The following SYT7 variants were observed in gnomAD, a reference collection of about 807,000 sequenced individuals.
SYT7 encodes the protein synaptotagmin-7.
A neutral mutation model predicts 75.1 loss-of-function variants in SYT7; 29 were observed. The ratio of observed to expected loss-of-function variants is 0.39; its 90% CI spans 0.29 to 0.53. The LOEUF (loss-of-function observed/expected upper bound fraction) is 0.53. Among genes scored for constraint, SYT7 ranks in the 20% least tolerant of loss-of-function variants. The pLI, the probability that SYT7 is intolerant of heterozygous loss-of-function variation, is 0.77. For synonymous variants in SYT7, 376 were observed against 401.7 expected (o/e 0.94, Z 0.76); for missense variants, 693 against 953.2 (o/e 0.73, Z 3.59).
chr11:61,549,137 G>A (rs975719125), intron 3 of SYT7, among the ~76,000 whole-genome samples: 1 of 152,088 alleles, frequency 6.6e-6, no homozygotes, highest in Non-Finnish European at 1.5e-5. Flanking sequence ...GCTCCCTCCA[G>A]ATCTCCAGAA....
intron 3 of SYT7, among the ~76,000 whole-genome samples, chr11:61,550,585 A>C (rs2063319872): frequency 6.6e-6 from 1 of 152,022 alleles, no homozygotes; most frequent in Non-Finnish European, 1.5e-5. Flanking sequence ...CCCTACCTTG[A>C]CCTCTGGGCT....
intron 12 of SYT7, 61 bp from the exon 13 acceptor site, chr11:61,518,792 C>G: frequency 2.4e-6 from 3 of 1,266,822 alleles, no homozygotes; most frequent in East Asian, 2.8e-5. Flanking sequence ...CCCTTTCCCC[C>G]ACAGGGGTGA....
At chr11:61,564,210 T>A (rs191428852) in intron 1 of SYT7, among the ~76,000 whole-genome samples, 5 of 152,320 alleles carry the variant, frequency 3.3e-5, no homozygotes, top group African/African-American at 1.2e-4. Context: ...TCTGTGCCTA[T>A]AGGCTCTTTC....
upstream of SYT7, among the ~76,000 whole-genome samples, chr11:61,584,384 G>A (rs1477383836): frequency 8.3e-6 from 1 of 121,132 alleles, no homozygotes; most frequent in Non-Finnish European, 1.7e-5. Flanking sequence ...GACAGAATGA[G>A]ACTCCGTCTC....
chr11:61,525,743 A>C (rs1396792655), intron 9 of SYT7: 2 of 152,244 alleles, frequency 1.3e-5, no homozygotes, highest in Non-Finnish European at 2.9e-5. Flanking sequence ...CATAGTAGGC[A>C]CTCAATACAT....
At chr11:61,569,044 G>C (rs2063850353) in intron 1 of SYT7, among the ~76,000 whole-genome samples, 1 of 152,170 alleles carries the variant, frequency 6.6e-6, no homozygotes, top group Non-Finnish European at 1.5e-5. Context: ...CAGGCAGGGA[G>C]TCCTAGGGGC....
chr11:61,524,319 T>A lies in SYT7; in HGVS notation c.1641+44A>T. ...GGTCTGGGACCAGATCTCCCAGCCCTGCCCTGCTGCCTGTCCAGCTAAGAC... is the reference window on the plus strand; with the variant it reads ...GGTCTGGGACCAGATCTCCCAGCCCAGCCCTGCTGCCTGTCCAGCTAAGAC... On this transcript the variant is annotated intron_variant, in intron 10 of 12. Coordinates refer to ENST00000539008, the MANE Select transcript of SYT7 (RefSeq NM_001365809.2). The surrounding 1 kb of genome is among the most constrained non-coding windows in gnomAD (Gnocchi z 4.1). The A allele has an allele frequency of 6.2e-7, 1 of 1,607,412 alleles. No homozygotes were observed. The highest frequency in any genetic ancestry group is 1.7e-4 in the Middle Eastern group (1 of 5,858).
chr11:61,531,227 T>C (rs1432965573), intron 8 of SYT7: 2 of 777,760 alleles, frequency 2.6e-6, no homozygotes, highest in Non-Finnish European at 3.1e-6. Flanking sequence ...CCTCTGAGCA[T>C]CCTCCCAGCA....
At chr11:61,555,138 G>C (rs955593813) in intron 2 of SYT7, among the ~76,000 whole-genome samples, 1 of 152,100 alleles carries the variant, frequency 6.6e-6, no homozygotes, top group African/African-American at 2.4e-5. Flanking sequence ...TGTCCTTAAG[G>C]CCCCCCTTTG....
At chr11:61,555,103 GC>G (rs997343496) in intron 2 of SYT7, among the ~76,000 whole-genome samples, 3 of 152,176 alleles carry the variant, frequency 2.0e-5, no homozygotes, top group Non-Finnish European at 4.4e-5. Context: ...CCCACCCAGT[GC>G]CCACAGCCAC....
chr11:61,519,220 G>A (rs2908206), intron 12 of SYT7, among the ~76,000 whole-genome samples: 26,374 of 152,192 alleles, frequency 0.17, 5,180 homozygotes, highest in African/African-American at 0.48. Flanking sequence ...ACTAAGGTAC[G>A]AAGAGTTAAG....
intron 1 of SYT7, among the ~76,000 whole-genome samples, chr11:61,562,767 A>C (rs2063670949): frequency 6.6e-6 from 1 of 152,152 alleles, no homozygotes; most frequent in African/African-American, 2.4e-5. Context: ...CAGGGGTGAC[A>C]GCTGGAAGCC....
In SYT7 at chr11:61,517,408, G is replaced by C; in HGVS notation, c.*1219C>G. On this transcript the variant is annotated 3_prime_UTR_variant, in exon 13 of 13. Transcript: ENST00000539008. Reference sequence around the variant, plus strand: ...TCGGGCAGAAGGAGCTGCTCCCGGGGACCAGGGAGTGGGGAAGGGTGAGAA... The same window carrying C: ...TCGGGCAGAAGGAGCTGCTCCCGGGCACCAGGGAGTGGGGAAGGGTGAGAA... 1 of 398,812 alleles carries C rather than the reference G, an allele frequency of 2.5e-6. No individual in the cohort carries two copies. Among genetic ancestry groups the C allele is most frequent in the Non-Finnish European group, 4.4e-6 (1 of 226,206 alleles). The allele number at this position is 398,812 out of a possible 1,614,324, so 24.7% of individuals were successfully genotyped here.
At chr11:61,531,067 T>C (rs2062690497) in intron 8 of SYT7, 1 of 985,460 alleles carries the variant, frequency 1.0e-6, no homozygotes, top group Non-Finnish European at 1.2e-6. Flanking sequence ...CTCTTGTCTC[T>C]TGACCCCCAG....
the SYT7 span, among the ~76,000 whole-genome samples, chr11:61,587,959 C>CA: frequency 1.3e-5 from 2 of 152,236 alleles, no homozygotes; most frequent in African/African-American, 4.8e-5. Flanking sequence ...GAGGGATCCC[C>CA]AACCCCAGGA....
At position 61,524,033 on chromosome 11, in the gene SYT7, T is replaced by G. The variant is rs2062431636; in HGVS notation, c.1642-92A>C. On this transcript the variant is annotated intron_variant, in intron 10 of 12. Coordinates refer to ENST00000539008, the MANE Select transcript of SYT7 (RefSeq NM_001365809.2). The surrounding 1 kb of genome is among the most constrained non-coding windows in gnomAD (Gnocchi z 4.1). ...CCCCAGGTCCCCTCTACCCTGACCTTGGTGCTTACCCATGCCCCTGTCTGT... is the reference window on the plus strand; with the variant it reads ...CCCCAGGTCCCCTCTACCCTGACCTGGGTGCTTACCCATGCCCCTGTCTGT... 8.6e-7 allele frequency: 1 copy of G among 1,164,656 alleles called. No homozygotes were observed. The allele number at this position is 1,164,656 out of a possible 1,614,324, so 72.1% of individuals were successfully genotyped here.
chr11:61,525,714 C>A (rs2062494393), intron 9 of SYT7: 1 of 152,318 alleles, frequency 6.6e-6, no homozygotes, highest in East Asian at 1.9e-4. Context: ...GCTCTCGGTG[C>A]CTAACACCGC....
chr11:61,517,517 G>T lies in SYT7; in HGVS notation c.*1110C>A. 1 of 399,452 alleles carries T rather than the reference G, an allele frequency of 2.5e-6. No homozygotes were observed. Among genetic ancestry groups the T allele is most frequent in the Middle Eastern group, 6.3e-4 (1 of 1,596 alleles). 24.7% of individuals were successfully genotyped at this position (399,452 alleles called of 1,614,324 possible). A position where few individuals can be genotyped will look rare whatever the true frequency, so the allele number is the denominator to read the frequency against. On this transcript the variant is annotated 3_prime_UTR_variant, in exon 13 of 13. Coordinates refer to ENST00000539008, the MANE Select transcript of SYT7 (RefSeq NM_001365809.2). ...ATGAATGGAAGGTCTACAAGCATTGGGGGATGGAGGGGTGGAGGAAAGAAG... is the reference window on the plus strand; with the variant it reads ...ATGAATGGAAGGTCTACAAGCATTGTGGGATGGAGGGGTGGAGGAAAGAAG...
In SYT7 at chr11:61,515,998, C is replaced by T. The variant is rs1191915138; in HGVS notation, c.*2629G>A. Reference sequence around the variant, plus strand: ...CAGGTGATGGTGGCCTCACAACCTCCCCTATGAGGTAGGTGAAGTATTATT... The same window carrying T: ...CAGGTGATGGTGGCCTCACAACCTCTCCTATGAGGTAGGTGAAGTATTATT... On this transcript the variant is annotated 3_prime_UTR_variant, in exon 13 of 13. Transcript: ENST00000539008. 6.6e-6 allele frequency: 1 copy of T among 152,632 alleles called. No individual in the cohort carries two copies. Among genetic ancestry groups the T allele is most frequent in the East Asian group, 1.9e-4 (1 of 5,182 alleles). The allele number at this position is 152,632 out of a possible 1,614,324, so 9.5% of individuals were successfully genotyped here. A position where few individuals can be genotyped will look rare whatever the true frequency, so the allele number is the denominator to read the frequency against.
Sources: allele counts gnomAD v4.1 joint callset (sites outside exome capture counted in the v4.1 genomes callset), GRCh38; gene constraint gnomAD v4.1.1; non-coding constraint Gnocchi (gnomAD v3.1); transcripts MANE v1.5; gene names NCBI Gene and HGNC (gene_info 2026-07-23, HGNC 2026-07-21).